Variants in MMRN1 observed in about 807,000 individuals in gnomAD.
MMRN1 encodes the protein multimerin 1.
A neutral mutation model predicts 100.7 loss-of-function variants in MMRN1; 94 were observed. That is an observed-to-expected ratio of 0.93 (90% CI 0.79 to 1.11). MMRN1 has a LOEUF of 1.11. Ranked by LOEUF, MMRN1 falls within the 50% of genes least tolerant of loss-of-function variation. The pLI is 0.00. For missense variants in MMRN1, 1,606 were observed against 1,439.1 expected (o/e 1.12, Z -1.88); for synonymous variants, 575 against 505.0 (o/e 1.14, Z -1.86).
chr4:89,935,454 T>C lies in MMRN1; in HGVS notation c.1774T>C (p.Cys592Arg). Residue 592 changes from cysteine to arginine, a missense_variant, in exon 6 of 8, where the codon TGT (cysteine) becomes CGT (arginine). Physicochemically the swap from Cys to Arg is radical, Grantham distance 180. Transcript: ENST00000264790. ...GGAGAAAGAGTCTCTCAGAGGTGAATGTGAAGACATGTTATCCAAATGCAG... is the reference window on the plus strand; with the variant it reads ...GGAGAAAGAGTCTCTCAGAGGTGAACGTGAAGACATGTTATCCAAATGCAG... ...EMEKESLRGE[C>R]EDMLSKCRND... 1 of 1,613,564 alleles carries C rather than the reference T, an allele frequency of 6.2e-7. No homozygotes were observed. The highest frequency in any genetic ancestry group is 8.5e-7 in the Non-Finnish European group (1 of 1,179,768).
intron 3 of MMRN1, among the ~76,000 whole-genome samples, chr4:89,921,311 G>A (rs994580427): frequency 6.6e-6 from 1 of 151,872 alleles, no homozygotes; most frequent in African/African-American, 2.4e-5. Flanking sequence ...ATCTAAGGTG[G>A]GACTCTAGAA....
chr4:89,907,592 C>A lies in MMRN1; in HGVS notation c.624-1684C>A, dbSNP rs566097122. 7.5e-4 allele frequency among the ~76,000 whole-genome samples: 114 copies of A among 151,226 alleles called. 1 individual carries two copies. Among genetic ancestry groups the A allele is most frequent in the Middle Eastern group, 3.4e-3 (1 of 294 alleles). ...TGTTTATTCTGCCCAATCTTAGGAC[C>A]ACTTCAGTTTTGCTCATTTATGTTT... On this transcript the variant is annotated intron_variant, in intron 1 of 7. Coordinates refer to ENST00000264790, the MANE Select transcript of MMRN1 (RefSeq NM_007351.3).
chr4:89,909,419 G>A (rs1458706162), intron 2 of MMRN1, 24 bp downstream of exon 2: 2 of 1,606,882 alleles, frequency 1.2e-6, no homozygotes, highest in Non-Finnish European at 1.7e-6. Context: ...CTTGAAAATA[G>A]CCACTGTTTT....
intron 1 of MMRN1, among the ~76,000 whole-genome samples, chr4:89,889,218 T>G (rs1328513452): frequency 6.6e-6 from 1 of 152,138 alleles, no homozygotes; most frequent in African/African-American, 2.4e-5. Flanking sequence ...CAACTAATTT[T>G]GAGATCTGAG....
chr4:89,934,483 C>T (rs901242695), intron 5 of MMRN1, among the ~76,000 whole-genome samples: 10 of 152,078 alleles, frequency 6.6e-5, no homozygotes, highest in African/African-American at 2.2e-4. Flanking sequence ...AAAACGAAAA[C>T]TAGACCTAGA....
chr4:89,940,508 C>T (rs970634663), intron 6 of MMRN1, among the ~76,000 whole-genome samples: 1 of 151,978 alleles, frequency 6.6e-6, no homozygotes, highest in East Asian at 1.9e-4. Flanking sequence ...TGTCTTATAT[C>T]ACATTGAAAC....
At chr4:89,909,563 C>T (rs1721681339) in intron 2 of MMRN1, among the ~76,000 whole-genome samples, 168 bp downstream of exon 2, 1 of 151,476 alleles carries the variant, frequency 6.6e-6, no homozygotes, top group African/African-American at 2.4e-5. Flanking sequence ...ATATTTGCCT[C>T]ATATGGTCAT....
intron 3 of MMRN1, among the ~76,000 whole-genome samples, chr4:89,915,980 A>T (rs763699875): frequency 6.6e-6 from 1 of 151,680 alleles, no homozygotes; most frequent in Non-Finnish European, 1.5e-5. Flanking sequence ...CTTGTGATAG[A>T]GAATACATTT....
Position 89,953,598 on chromosome 4 carries a change from T to G in MMRN1, c.*180T>G. On this transcript the variant is annotated 3_prime_UTR_variant, in exon 8 of 8. Coordinates refer to ENST00000264790, the MANE Select transcript of MMRN1 (RefSeq NM_007351.3). The stretch of plus-strand genomic sequence containing the variant: ...AATTATTTGAATATTGTTTAATGTC[T>G]GAATATGAAAGAGTTCTTGATCCTA... 1 of 489,720 alleles carries G rather than the reference T, an allele frequency of 2.0e-6. No homozygotes were observed. The highest frequency in any genetic ancestry group is 3.4e-6 in the Non-Finnish European group (1 of 292,572). The allele number at this position is 489,720 out of a possible 1,614,324, so 30.3% of individuals were successfully genotyped here.
At chr4:89,894,627 C>T (rs780329167), upstream of MMRN1, 25 of 178,330 alleles carry the variant, frequency 1.4e-4, no homozygotes, top group Admixed American at 2.3e-4. Context: ...ATCAGTGAAA[C>T]GTGAAACCAG....
rs1178449215 is a variant in MMRN1, at chr4:89,934,949, C to G, written c.1269C>G (p.Thr423=). 6.2e-7 allele frequency: 1 copy of G among 1,613,680 alleles called. No individual in the cohort carries two copies. Among genetic ancestry groups the G allele is most frequent in the Non-Finnish European group, 8.5e-7 (1 of 1,179,772 alleles). ...VSSLSEDLES[T]RQIIQKVNES... Reference sequence around the variant, plus strand: ...GTCTATCAGAGGACCTCGAAAGCACCAGGCAAATAATTCAAAAAGTTAATG... The same window carrying G: ...GTCTATCAGAGGACCTCGAAAGCACGAGGCAAATAATTCAAAAAGTTAATG... The change falls in exon 6 of 8, where the codon ACC becomes ACG. Residue 423 remains threonine, a synonymous_variant. Coordinates refer to ENST00000264790, the MANE Select transcript of MMRN1 (RefSeq NM_007351.3).
chr4:89,938,509 A>ATT (rs1393562742), intron 6 of MMRN1, among the ~76,000 whole-genome samples: 5 of 80,862 alleles, frequency 6.2e-5, no homozygotes, highest in South Asian at 3.5e-4. Flanking sequence ...ATATATATAT[A>ATT]TATTTAAAAT....
At chr4:89,902,012 G>A (rs1399982332) in intron 1 of MMRN1, 2 of 151,926 alleles carry the variant, frequency 1.3e-5, no homozygotes, top group African/African-American at 2.4e-5. Flanking sequence ...TGGTCTGCAC[G>A]CTGGGAAAGC....
intron 1 of MMRN1, among the ~76,000 whole-genome samples, chr4:89,907,156 T>C (rs939438847): frequency 6.6e-6 from 1 of 151,492 alleles, no homozygotes; most frequent in Admixed American, 6.6e-5. Context: ...ATCCCTTTAT[T>C]GTGGTCCTCT....
intron 6 of MMRN1, among the ~76,000 whole-genome samples, chr4:89,942,302 A>G (rs190475314): frequency 6.6e-6 from 1 of 152,302 alleles, no homozygotes; most frequent in East Asian, 1.9e-4. Context: ...ATAAACATAT[A>G]TTTTTGTACT....
chr4:89,890,865 A>C (rs1468362212), upstream of MMRN1, among the ~76,000 whole-genome samples: 1 of 152,022 alleles, frequency 6.6e-6, no homozygotes, highest in African/African-American at 2.4e-5. Context: ...ATATTAGGAC[A>C]AATATGTTGT....
rs145246832 is a variant in MMRN1, at chr4:89,936,690, G to C, written c.3010G>C (p.Val1004Leu). 5.3e-5 allele frequency: 85 copies of C among 1,613,442 alleles called. No individual in the cohort carries two copies. The highest frequency in any genetic ancestry group is 6.4e-5 in the Non-Finnish European group (76 of 1,179,636). Residue 1004 changes from valine (V) to leucine (L), a missense_variant, in exon 6 of 8, where the codon GTA (valine) becomes CTA (leucine). Transcript: ENST00000264790. Reference protein sequence around the residue: ...LANVVKSQKQVKSLPKKINAL... With the variant: ...LANVVKSQKQLKSLPKKINAL... ...AAATGTTGTCAAGTCTCAGAAGCAA[G>C]TAAAATCATTGCCAAAGAAAATTAA...
chr4:89,918,363 A>C (rs988064501), intron 3 of MMRN1, among the ~76,000 whole-genome samples: 3 of 151,798 alleles, frequency 2.0e-5, no homozygotes, highest in Admixed American at 1.3e-4. Flanking sequence ...TTTTTAAAAA[A>C]GTCTATTTTC....
chr4:89,935,080 G>A lies in MMRN1; in HGVS notation c.1400G>A (p.Arg467Lys), dbSNP rs1220343652. 3 of 1,613,688 alleles carry A rather than the reference G, an allele frequency of 1.9e-6. No homozygotes were observed. The highest frequency in any genetic ancestry group is 4.5e-5 in the East Asian group (2 of 44,828). Residue 467 changes from arginine to lysine, a missense_variant, in exon 6 of 8, where the codon AGG (arginine) becomes AAG (lysine). Arg to Lys is a conservative substitution (Grantham distance 26). Coordinates refer to ENST00000264790, the MANE Select transcript of MMRN1 (RefSeq NM_007351.3). ...VELRNHIVNV[R>K]QEMTLTCEKP... is the part of the protein sequence containing the mutation. Reference sequence around the variant, plus strand: ...CTAAGGAATCACATTGTGAATGTAAGGCAAGAAATGACTCTTACATGTGAG... The same window carrying A: ...CTAAGGAATCACATTGTGAATGTAAAGCAAGAAATGACTCTTACATGTGAG...
Sources: gnomAD v4.1 joint callset for allele counts (sites outside exome capture counted in the v4.1 genomes callset) on GRCh38, gnomAD v4.1.1 for gene constraint, MANE v1.5 for transcripts, NCBI Gene and HGNC (gene_info 2026-07-23, HGNC 2026-07-21) for gene names.